The following MYO16 variants were observed in gnomAD, a reference collection of about 807,000 sequenced individuals.
MYO16 encodes the protein myosin XVI.
MYO16 carries 94 observed loss-of-function variants against 205.3 expected under a neutral mutation model. The ratio of observed to expected loss-of-function variants is 0.46; its 90% CI spans 0.39 to 0.54. MYO16 has a LOEUF of 0.54. Among genes scored for constraint, MYO16 ranks in the 20% least tolerant of loss-of-function variants. MYO16 has a pLI of 0.00. For synonymous variants in MYO16, 988 were observed against 954.0 expected, an observed-to-expected ratio of 1.04 and a Z score of -0.66; for missense variants, 2,315 against 2,387.5, an observed-to-expected ratio of 0.97 and a Z score of 0.63.
intron 9 of MYO16, among the ~76,000 whole-genome samples, chr13:108,841,689 A>G (rs141854044): frequency 5.3e-4 from 81 of 152,302 alleles, no homozygotes; most frequent in African/African-American, 1.8e-3. Context: ...AAACCAATAT[A>G]AATAGTCAAA....
intron 10 of MYO16, among the ~76,000 whole-genome samples, chr13:108,848,461 A>C (rs975049335): frequency 6.6e-6 from 1 of 152,212 alleles, no homozygotes; most frequent in Non-Finnish European, 1.5e-5. Context: ...CTACATAACT[A>C]AAACTCAAGT....
intron 21 of MYO16, among the ~76,000 whole-genome samples, chr13:109,005,927 C>G: frequency 6.6e-6 from 1 of 152,296 alleles, no homozygotes; most frequent in East Asian, 1.9e-4. Flanking sequence ...CCTTTTCCAT[C>G]TAGGTGCATG....
At chr13:109,124,181 C>G (rs965638199) in intron 29 of MYO16, among the ~76,000 whole-genome samples, 2 of 152,200 alleles carry the variant, frequency 1.3e-5, no homozygotes, top group Non-Finnish European at 2.9e-5. Context: ...TTAGAAAGTT[C>G]TTTCTAACAC....
In MYO16 at chr13:108,915,560, C is replaced by T. The variant is rs766416926; in HGVS notation, c.1925+5410C>T. Among the ~76,000 whole-genome samples, 8 of 152,038 alleles carry T rather than the reference C, an allele frequency of 5.3e-5. No individual in the cohort carries two copies. In the South Asian group the frequency reaches 6.2e-4, roughly 12 times the overall value. On this transcript the variant is annotated intron_variant, in intron 16 of 34. Transcript: ENST00000457511. ...TCTTACCCTTTGTATATTATACAAACGTTACATTTGGGGAACGAATGTAAT... is the reference window on the plus strand; with the variant it reads ...TCTTACCCTTTGTATATTATACAAATGTTACATTTGGGGAACGAATGTAAT...
the MYO16 span, among the ~76,000 whole-genome samples, chr13:108,574,708 T>TGTGTGTGCGC: frequency 1.5e-3 from 121 of 81,774 alleles, no homozygotes; most frequent in African/African-American, 3.8e-3. Context: ...TGTGTGTGTG[T>TGTGTGTGCGC]GCGCTTGTGT....
chr13:108,725,260 T>C (rs1465375188), intron 3 of MYO16, among the ~76,000 whole-genome samples: 3 of 152,192 alleles, frequency 2.0e-5, no homozygotes, highest in Admixed American at 6.5e-5. Flanking sequence ...AACAGGTGTA[T>C]CTCTTCTTCA....
At chr13:108,714,288 C>A (rs968022325) in intron 3 of MYO16, among the ~76,000 whole-genome samples, 11 of 152,170 alleles carry the variant, frequency 7.2e-5, no homozygotes, top group African/African-American at 2.7e-4. Flanking sequence ...ATCTCCTGAC[C>A]TCGTGATCCA....
chr13:109,017,160 G>C lies in MYO16; in HGVS notation c.2596-2551G>C, dbSNP rs1885856181. On this transcript the variant is annotated intron_variant, in intron 22 of 34. Coordinates refer to ENST00000457511, the MANE Select transcript of MYO16 (RefSeq NM_001198950.3). ...CATCAGCTCTTGTAAGGCAGGCCTG[G>C]TGATGACAAAATCTCTCAGCATTTG... is the stretch of plus-strand genomic sequence containing the variant. Among the ~76,000 whole-genome samples, 5 of 152,120 alleles carry C rather than the reference G, an allele frequency of 3.3e-5. No individual in the cohort carries two copies. In the South Asian group the frequency reaches 8.3e-4, roughly 25 times the overall value.
chr13:108,768,488 T>A (rs539002320), intron 4 of MYO16, among the ~76,000 whole-genome samples: 1 of 152,200 alleles, frequency 6.6e-6, no homozygotes, highest in East Asian at 1.9e-4. Context: ...CAGTGAATAT[T>A]GTTGAATTTC....
At chr13:108,836,752 G>T (rs1442636766) in intron 9 of MYO16, among the ~76,000 whole-genome samples, 1 of 152,122 alleles carries the variant, frequency 6.6e-6, no homozygotes, top group Non-Finnish European at 1.5e-5. Flanking sequence ...TTGTATTTTG[G>T]ACTTGCATGG....
At chr13:108,778,003 G>A (rs1038465195) in intron 4 of MYO16, among the ~76,000 whole-genome samples, 1 of 151,986 alleles carries the variant, frequency 6.6e-6, no homozygotes, top group Non-Finnish European at 1.5e-5. Flanking sequence ...AATTATTGGT[G>A]GAAATTCTGG....
At chr13:108,938,893 C>T (rs1294196754) in intron 16 of MYO16, among the ~76,000 whole-genome samples, 1 of 152,332 alleles carries the variant, frequency 6.6e-6, no homozygotes, top group African/African-American at 2.4e-5. Context: ...GTGAACCCAT[C>T]AATGGCACAC....
intron 7 of MYO16, among the ~76,000 whole-genome samples, chr13:108,811,971 C>T (rs938710284): frequency 1.7e-4 from 26 of 152,074 alleles, no homozygotes; most frequent in African/African-American, 5.3e-4. Context: ...TTTATAAGTC[C>T]CCATGTGTCA....
chr13:109,159,139 G>C (rs1878234999), intron 32 of MYO16, among the ~76,000 whole-genome samples: 1 of 152,132 alleles, frequency 6.6e-6, no homozygotes, highest in Non-Finnish European at 1.5e-5. Flanking sequence ...AACAACCATA[G>C]GTCCTTTCTC....
chr13:108,805,167 A>G (rs1370642815), intron 6 of MYO16, among the ~76,000 whole-genome samples: 1 of 152,206 alleles, frequency 6.6e-6, no homozygotes, highest in Non-Finnish European at 1.5e-5. Flanking sequence ...CTAGGAGAGC[A>G]AGTATGTAAA....
chr13:109,179,927 G>A (rs1879386145), intron 34 of MYO16, among the ~76,000 whole-genome samples: 1 of 152,148 alleles, frequency 6.6e-6, no homozygotes, highest in African/African-American at 2.4e-5. Flanking sequence ...ATTCTCGGGT[G>A]AAGATGATAT....
At chr13:109,029,715 A>G (rs1886488832) in intron 23 of MYO16, among the ~76,000 whole-genome samples, 1 of 152,030 alleles carries the variant, frequency 6.6e-6, no homozygotes, top group East Asian at 1.9e-4. Flanking sequence ...GTATTTGTTC[A>G]CCTCTTGAGC....
intron 16 of MYO16, among the ~76,000 whole-genome samples, chr13:108,914,745 C>A (rs538282961): frequency 6.6e-6 from 1 of 152,090 alleles, no homozygotes. Flanking sequence ...CTGGCTCAAG[C>A]GATTCTCCTG....
chr13:108,972,761 G>A (rs1884101517), intron 20 of MYO16, among the ~76,000 whole-genome samples: 1 of 151,966 alleles, frequency 6.6e-6, no homozygotes, highest in Non-Finnish European at 1.5e-5. Flanking sequence ...AGGGTCCAGA[G>A]TGGTTTGTGG....
Sources: gnomAD v4.1 joint callset for allele counts (sites outside exome capture counted in the v4.1 genomes callset) on GRCh38, gnomAD v4.1.1 for gene constraint, MANE v1.5 for transcripts, NCBI Gene and HGNC (gene_info 2026-07-23, HGNC 2026-07-21) for gene names.